PADI4: variants seen among roughly 807,000 people sequenced by gnomAD.
The protein encoded by PADI4 is peptidyl arginine deiminase 4, also known as protein-arginine deiminase type-4.
In PADI4, 62 loss-of-function variants were observed where a neutral mutation model predicts 75.0. That is an observed-to-expected ratio of 0.83 (90% CI 0.67 to 1.02). PADI4 has a LOEUF of 1.02. PADI4 is among the 50% of genes least tolerant of loss of function. The pLI is 0.00. For synonymous variants in PADI4, 361 were observed against 348.1 expected, an observed-to-expected ratio of 1.04 and a Z score of -0.41; for missense variants, 845 against 850.5, an observed-to-expected ratio of 0.99 and a Z score of 0.08.
At chr1:17,330,831 A>G (rs1348953584) in intron 1 of PADI4, 138 bp from the exon 2 acceptor site, 4 of 590,398 alleles carry the variant, frequency 6.8e-6, no homozygotes, top group Non-Finnish European at 1.1e-5. Flanking sequence ...ATACACCCAG[A>G]AAAAATACTT....
rs767645377 is a variant in PADI4 at position 17,358,845 on chromosome 1, A to C, written c.1566A>C (p.Lys522Asn). The part of the protein sequence containing the change: ...ALLFEGIKKK[K>N]QQKIKNILSN... Reference sequence around the variant, plus strand: ...TCTTTTTCTCCATGACAGAAAAAAAACAGCAGAAAATAAAGAACATTCTGT... The same window carrying C: ...TCTTTTTCTCCATGACAGAAAAAAACCAGCAGAAAATAAAGAACATTCTGT... The change falls in exon 14 of 16, where the codon AAA (lysine) becomes AAC (asparagine). Residue 522 changes from lysine to asparagine, a missense_variant. Lys to Asn is a moderately conservative substitution (Grantham distance 94). Transcript: ENST00000375448. The C allele has an allele frequency of 1.2e-6, 2 of 1,601,352 alleles. No individual in the cohort carries two copies. The highest frequency in any genetic ancestry group is 8.5e-7 in the Non-Finnish European group (1 of 1,172,234).
intron 3 of PADI4, among the ~76,000 whole-genome samples, chr1:17,335,299 T>C (rs1174209695): frequency 6.6e-6 from 1 of 152,202 alleles, no homozygotes; most frequent in African/African-American, 2.4e-5. Context: ...ACTTTACATT[T>C]AATCCTTACA....
Position 17,314,901 on chromosome 1 carries a change from C to T in PADI4, c.92+6587C>T, listed in dbSNP as rs536613236. Among the ~76,000 whole-genome samples the T allele has an allele frequency of 9.9e-5, 15 of 152,266 alleles. No homozygotes were observed. In the South Asian group the frequency reaches 2.5e-3, roughly 25 times the overall value. On this transcript the variant is annotated intron_variant, in intron 1 of 15. Coordinates refer to ENST00000375448, the MANE Select transcript of PADI4 (RefSeq NM_012387.3). ...TGGCTGGCTGGTGTAGACAGACTGG[C>T]CTGCTGTGGTATGTGGTGTGTTGGG...
At chr1:17,342,231 G>A in intron 7 of PADI4, 68 bp from the exon 8 acceptor site, 1 of 1,410,434 alleles carries the variant, frequency 7.1e-7, no homozygotes, top group South Asian at 1.2e-5. Context: ...AACAGCTGCA[G>A]GAAGTGGTAG....
chr1:17,334,161 G>A lies in PADI4; in HGVS notation c.340+152G>A. ...TTTCTAGCCAGTCAGACATCTGGGA[G>A]TTCGAAATATTCCATCCTTAGTCAG... On this transcript the variant is annotated intron_variant, in intron 3 of 15. Coordinates refer to ENST00000375448, the MANE Select transcript of PADI4 (RefSeq NM_012387.3). The A allele has an allele frequency of 4.8e-6, 3 of 626,762 alleles. No homozygotes were observed. The East Asian group carries it at 8.3e-5, about 17-fold the overall frequency. The allele number at this position is 626,762 out of a possible 1,614,324, so 38.8% of individuals were successfully genotyped here. A position where few individuals can be genotyped will look rare whatever the true frequency, so the allele number is the denominator to read the frequency against.
At chr1:17,347,154 C>T (rs1233097913) in intron 9 of PADI4, among the ~76,000 whole-genome samples, 1 of 152,110 alleles carries the variant, frequency 6.6e-6, no homozygotes, top group South Asian at 2.1e-4. Flanking sequence ...TCAGGCTGGT[C>T]TCGAACTCCT....
chr1:17,354,349 G>A (rs2074722164), intron 10 of PADI4, among the ~76,000 whole-genome samples, 184 bp from the exon 11 acceptor site: 2 of 152,174 alleles, frequency 1.3e-5, no homozygotes, highest in African/African-American at 2.4e-5. Context: ...CCCTTTTCTT[G>A]TCCATTGAAT....
intron 1 of PADI4, among the ~76,000 whole-genome samples, chr1:17,317,598 G>A (rs2073963333): frequency 6.6e-6 from 1 of 152,038 alleles, no homozygotes; most frequent in African/African-American, 2.4e-5. Flanking sequence ...TCTGTCCTGT[G>A]CATCATGGCA....
intron 10 of PADI4, among the ~76,000 whole-genome samples, chr1:17,350,339 T>A (rs72637426): frequency 7.7e-6 from 1 of 129,212 alleles, no homozygotes; most frequent in Non-Finnish European, 1.8e-5. Context: ...TTAAACAGAA[T>A]GAAACAAGAT....
chr1:17,352,753 G>T (rs1181193416), intron 10 of PADI4, among the ~76,000 whole-genome samples: 1 of 152,216 alleles, frequency 6.6e-6, no homozygotes, highest in African/African-American at 2.4e-5. Flanking sequence ...CCAAAGTTCT[G>T]TTTAGGGCAA....
At chr1:17,361,109 G>A (rs1005720589) in intron 15 of PADI4, among the ~76,000 whole-genome samples, 4 of 143,510 alleles carry the variant, frequency 2.8e-5, no homozygotes, top group East Asian at 2.3e-4. Context: ...CCCTACCACC[G>A]TGGTTTTCAA....
At chr1:17,331,492 G>C (rs1402238892) in intron 2 of PADI4, among the ~76,000 whole-genome samples, 1 of 152,214 alleles carries the variant, frequency 6.6e-6, no homozygotes, top group African/African-American at 2.4e-5. Flanking sequence ...ATGAATGGTA[G>C]CATCAGAGAA....
At chr1:17,336,320 T>C in intron 4 of PADI4, 94 bp downstream of exon 4, 1 of 814,484 alleles carries the variant, frequency 1.2e-6, no homozygotes, top group South Asian at 1.4e-5. Context: ...CTGTCCCACG[T>C]ATTCCGTGTT....
chr1:17,341,650 A>G (rs929161711), intron 6 of PADI4, among the ~76,000 whole-genome samples: 9 of 152,240 alleles, frequency 5.9e-5, no homozygotes. Context: ...ACATCTGGCT[A>G]GAGCAGATGC....
chr1:17,318,926 G>A (rs1208759054), intron 1 of PADI4, among the ~76,000 whole-genome samples: 2 of 152,002 alleles, frequency 1.3e-5, no homozygotes, highest in African/African-American at 2.4e-5. Flanking sequence ...CTGACCTTGT[G>A]ATCCACCCGC....
intron 1 of PADI4, among the ~76,000 whole-genome samples, chr1:17,320,887 T>C (rs1053539093): frequency 6.6e-6 from 1 of 152,202 alleles, no homozygotes; most frequent in Non-Finnish European, 1.5e-5. Context: ...ATGGAGTTGC[T>C]CTGGTTCAAA....
In PADI4 at chr1:17,355,989, C is replaced by T. The variant is rs780592094; in HGVS notation, c.1317C>T (p.Asp439=). Reference sequence around the variant, plus strand: ...TTTAACCCTGCCATGACAGCAATGACAGCCGGCAGATGCACCAGGCCCTGC... The same window carrying T: ...TTTAACCCTGCCATGACAGCAATGATAGCCGGCAGATGCACCAGGCCCTGC... ...LFGDSCYPSN[D]SRQMHQALQD... is the part of the protein sequence containing the mutation. Residue 439 remains aspartate, a synonymous_variant, in exon 12 of 16, where the codon GAC becomes GAT. Transcript: ENST00000375448. 6.2e-7 allele frequency: 1 copy of T among 1,614,218 alleles called. No homozygotes were observed. Among genetic ancestry groups the T allele is most frequent in the Admixed American group, 1.7e-5 (1 of 60,036 alleles).
At chr1:17,322,542 C>T (rs966142175) in intron 1 of PADI4, among the ~76,000 whole-genome samples, 10 of 151,998 alleles carry the variant, frequency 6.6e-5, no homozygotes, top group African/African-American at 2.4e-4. Context: ...AGAAATTCAA[C>T]AGAACTGTTT....
rs1044788604 is a variant in PADI4, at chr1:17,336,192, G to A, written c.374G>A (p.Gly125Asp). The A allele has an allele frequency of 6.2e-7, 1 of 1,613,492 alleles. No individual in the cohort carries two copies. The highest frequency in any genetic ancestry group is 8.5e-7 in the Non-Finnish European group (1 of 1,179,424). ...ISLCADITRTGKVKPTRAVKD... is the reference protein window; with the variant it reads ...ISLCADITRTDKVKPTRAVKD... Reference sequence around the variant, plus strand: ...TTGTGCGCAGACATCACCCGCACCGGCAAAGTGAAGCCAACCAGAGCTGTG... The same window carrying A: ...TTGTGCGCAGACATCACCCGCACCGACAAAGTGAAGCCAACCAGAGCTGTG... Residue 125 changes from glycine to aspartate, a missense_variant, in exon 4 of 16, where the codon GGC (glycine) becomes GAC (aspartate). Transcript: ENST00000375448.
Sources: gnomAD v4.1 joint callset for allele counts (sites outside exome capture counted in the v4.1 genomes callset) on GRCh38, gnomAD v4.1.1 for gene constraint, MANE v1.5 for transcripts, NCBI Gene and HGNC (gene_info 2026-07-23, HGNC 2026-07-21) for gene names.